KCND3: variants seen among roughly 807,000 people sequenced by gnomAD.
The protein encoded by KCND3 is potassium voltage-gated channel subfamily D member 3, also known as A-type voltage-gated potassium channel KCND3.
In KCND3, 9 loss-of-function variants were observed where a neutral mutation model predicts 51.1. That is an observed-to-expected ratio of 0.18 (90% CI 0.11 to 0.31). The LOEUF is 0.31. Ranked by LOEUF, KCND3 falls within the 10% of genes least tolerant of loss-of-function variation. KCND3 has a pLI of 1.00. For synonymous variants in KCND3, 349 were observed against 368.0 expected, an observed-to-expected ratio of 0.95 and a Z score of 0.59; for missense variants, 526 against 903.8, an observed-to-expected ratio of 0.58 and a Z score of 5.36.
Position 111,848,837 on chromosome 1 carries a change from G to C in KCND3, c.1107-61731C>G, listed in dbSNP as rs150888661. Among the ~76,000 whole-genome samples the C allele has an allele frequency of 2.0e-5, 3 of 152,340 alleles. No individual in the cohort carries two copies. The East Asian group carries it at 5.8e-4, about 29-fold the overall frequency. On this transcript the variant is annotated intron_variant, in intron 2 of 7. Coordinates refer to ENST00000302127, the MANE Select transcript of KCND3 (RefSeq NM_001378969.1). ...TGGGCACAGGCCAGAGTAGAAGGAT[G>C]CCAGGGACGCGGGATGTGCTGTCCA...
chr1:111,908,149 C>T (rs1439882228), intron 2 of KCND3, among the ~76,000 whole-genome samples: 2 of 152,162 alleles, frequency 1.3e-5, no homozygotes, highest in Non-Finnish European at 2.9e-5. Flanking sequence ...TCCTTTCTCC[C>T]CTTGGATAGA....
chr1:111,932,502 A>T (rs1672025113), intron 2 of KCND3, among the ~76,000 whole-genome samples: 2 of 151,918 alleles, frequency 1.3e-5, no homozygotes, highest in East Asian at 3.9e-4. Context: ...CTCCACTGAA[A>T]CTCTGTACCC....
intron 2 of KCND3, among the ~76,000 whole-genome samples, chr1:111,978,709 T>A (rs1674778237): frequency 6.6e-6 from 1 of 152,154 alleles, no homozygotes; most frequent in Non-Finnish European, 1.5e-5. Flanking sequence ...AGAATACACA[T>A]ATCTGAGGGG....
At chr1:111,979,396 T>G (rs1674817503) in intron 2 of KCND3, among the ~76,000 whole-genome samples, 1 of 152,264 alleles carries the variant, frequency 6.6e-6, no homozygotes, top group Non-Finnish European at 1.5e-5. Flanking sequence ...AGGAAATGTT[T>G]TATTTTTAAA....
intron 2 of KCND3, among the ~76,000 whole-genome samples, chr1:111,829,476 T>C (rs989124719): frequency 2.6e-5 from 4 of 152,154 alleles, no homozygotes; most frequent in African/African-American, 7.2e-5. Context: ...CTAGCTCTAA[T>C]AGATGCAAGG....
At chr1:111,804,995 G>A (rs910760922) in intron 2 of KCND3, among the ~76,000 whole-genome samples, 2 of 152,186 alleles carry the variant, frequency 1.3e-5, no homozygotes, top group Non-Finnish European at 2.9e-5. Context: ...CGTGTGAGTG[G>A]CTGACAGCAC....
intron 2 of KCND3, among the ~76,000 whole-genome samples, chr1:111,796,475 C>A (rs1665062893): frequency 6.6e-6 from 1 of 152,156 alleles, no homozygotes; most frequent in African/African-American, 2.4e-5. Context: ...ATGTCCTCTG[C>A]AGGAACATGG....
chr1:111,922,110 C>T (rs944907634), intron 2 of KCND3, among the ~76,000 whole-genome samples: 1 of 152,198 alleles, frequency 6.6e-6, no homozygotes, highest in African/African-American at 2.4e-5. Flanking sequence ...TTCCAGGCAG[C>T]CCTAACTTGT....
Position 111,897,875 on chromosome 1 carries a change from G to A in KCND3, c.1106+83746C>T, listed in dbSNP as rs1670196127. On this transcript the variant is annotated intron_variant, in intron 2 of 7. Coordinates refer to ENST00000302127, the MANE Select transcript of KCND3 (RefSeq NM_001378969.1). The stretch of plus-strand genomic sequence containing the variant: ...AGACAAACACAGGCCAGGCATAAAG[G>A]AGAAAATACTTTTTATTTCCAAATA... 2.6e-5 allele frequency among the ~76,000 whole-genome samples: 4 copies of A among 152,176 alleles called. 1 individual carries two copies. In the South Asian group the frequency reaches 8.3e-4, roughly 32 times the overall value.
At chr1:111,926,071 G>A (rs1437515631) in intron 2 of KCND3, among the ~76,000 whole-genome samples, 5 of 152,194 alleles carry the variant, frequency 3.3e-5, no homozygotes, top group Non-Finnish European at 5.9e-5. Context: ...GATGTTATCA[G>A]GGTAACTTTG....
intron 2 of KCND3, among the ~76,000 whole-genome samples, chr1:111,882,899 T>C (rs1669399168): frequency 6.6e-6 from 1 of 152,146 alleles, no homozygotes; most frequent in Admixed American, 6.5e-5. Flanking sequence ...GTGGCTTGCT[T>C]GGAGTCCAGA....
intron 2 of KCND3, among the ~76,000 whole-genome samples, chr1:111,840,312 C>G (rs888157285): frequency 6.6e-6 from 1 of 152,114 alleles, no homozygotes; most frequent in Non-Finnish European, 1.5e-5. Flanking sequence ...GTACTGTGCC[C>G]CCTGGTGCTG....
Position 111,786,902 on chromosome 1 carries a change from C to G in KCND3, c.1269+42G>C, listed in dbSNP as rs750288762. On this transcript the variant is annotated intron_variant, in intron 3 of 7. Transcript: ENST00000302127. ...TGGCTCCCTGACTGGTGCTCCCCCG[C>G]ATCCTTTACACTGCCCCCGCTTCCC... 1.9e-6 allele frequency: 3 copies of G among 1,611,900 alleles called. No homozygotes were observed. The African/African-American group carries it at 4.0e-5, about 22-fold the overall frequency.
At chr1:111,943,990 G>A (rs895602895) in intron 2 of KCND3, among the ~76,000 whole-genome samples, 2 of 152,228 alleles carry the variant, frequency 1.3e-5, no homozygotes, top group Admixed American at 6.5e-5. Context: ...GCTTTGGCAA[G>A]TTTTATAAAG....
intron 2 of KCND3, among the ~76,000 whole-genome samples, chr1:111,951,214 T>C (rs969934054): frequency 6.7e-6 from 1 of 149,340 alleles, no homozygotes; most frequent in Non-Finnish European, 1.5e-5. Context: ...CCTGCATTTA[T>C]TGAGCACCTA....
chr1:111,776,343 C>T, intron 7 of KCND3, 65 bp from the exon 8 acceptor site: 1 of 1,477,038 alleles, frequency 6.8e-7, no homozygotes, highest in Non-Finnish European at 9.3e-7. Context: ...CTTCCTTGAC[C>T]CCCTACATTT....
At chr1:111,809,574 C>T (rs929819200) in intron 2 of KCND3, among the ~76,000 whole-genome samples, 16 of 152,122 alleles carry the variant, frequency 1.1e-4, no homozygotes, top group African/African-American at 3.6e-4. Context: ...TCCCAAAGTG[C>T]TGGGATTACA....
At chr1:111,837,919 T>G (rs1667138122) in intron 2 of KCND3, among the ~76,000 whole-genome samples, 1 of 152,202 alleles carries the variant, frequency 6.6e-6, no homozygotes, top group Admixed American at 6.5e-5. Flanking sequence ...TGTCTGATAT[T>G]TTTTTCATAA....
chr1:111,874,095 G>A lies in KCND3; in HGVS notation c.1107-86989C>T, dbSNP rs564209852. ...GCCTGACCCAGCCATTAATTGCTGC[G>A]CACTCACAGATGGGCAGCTCATTTC... On this transcript the variant is annotated intron_variant, in intron 2 of 7. Coordinates refer to ENST00000302127, the MANE Select transcript of KCND3 (RefSeq NM_001378969.1). Among the ~76,000 whole-genome samples, 53 of 152,240 alleles carry A rather than the reference G, an allele frequency of 3.5e-4. No homozygotes were observed. The Middle Eastern group carries it at 0.01, about 29-fold the overall frequency.
Sources: allele counts gnomAD v4.1 joint callset (sites outside exome capture counted in the v4.1 genomes callset), GRCh38; gene constraint gnomAD v4.1.1; transcripts MANE v1.5; gene names NCBI Gene and HGNC (gene_info 2026-07-23, HGNC 2026-07-21).